DAB1: variants seen among roughly 807,000 people sequenced by gnomAD.
DAB1 encodes DAB adaptor protein 1, also known as disabled homolog 1.
DAB1 carries 15 observed loss-of-function variants against 64.6 expected under a neutral mutation model. That is an observed-to-expected ratio of 0.23 (90% CI 0.16 to 0.36). DAB1 has a LOEUF of 0.36. Among genes scored for constraint, DAB1 ranks in the 10% least tolerant of loss-of-function variants. The pLI is 1.00. For synonymous variants in DAB1, 235 were observed against 251.9 expected, an observed-to-expected ratio of 0.93 and a Z score of 0.64; for missense variants, 596 against 706.7, an observed-to-expected ratio of 0.84 and a Z score of 1.78.
chr1:58,302,649 A>G (rs190630334), intron 4 of DAB1, among the ~76,000 whole-genome samples: 78 of 151,688 alleles, frequency 5.1e-4, no homozygotes, highest in Non-Finnish European at 9.7e-4. Context: ...CTCCAAGAAA[A>G]TTTCTTAACT....
At chr1:58,222,006 T>C (rs1312947479) in intron 4 of DAB1, among the ~76,000 whole-genome samples, 1 of 152,204 alleles carries the variant, frequency 6.6e-6, no homozygotes, top group Non-Finnish European at 1.5e-5. Context: ...GAAGAAGCCA[T>C]ATCTGGAAAC....
intron 3 of DAB1, among the ~76,000 whole-genome samples, chr1:58,489,383 C>T (rs1400720684): frequency 6.6e-6 from 1 of 152,176 alleles, no homozygotes; most frequent in Non-Finnish European, 1.5e-5. Context: ...AAGGTGGCAG[C>T]GAGGCTGGGG....
intron 4 of DAB1, among the ~76,000 whole-genome samples, chr1:58,219,110 A>G (rs1437623112): frequency 2.6e-4 from 39 of 151,898 alleles, no homozygotes; most frequent in Admixed American, 2.6e-3. Flanking sequence ...GAGCGCTAGA[A>G]GAAAGAGAAA....
At chr1:57,330,724 A>G (rs1183651022) in intron 1 of DAB1, among the ~76,000 whole-genome samples, 1 of 152,128 alleles carries the variant, frequency 6.6e-6, no homozygotes, top group Non-Finnish European at 1.5e-5. Context: ...AGTGCCTGGC[A>G]TAAAGGAGGC....
At chr1:58,261,139 G>A (rs761289887) in intron 4 of DAB1, among the ~76,000 whole-genome samples, 4 of 152,040 alleles carry the variant, frequency 2.6e-5, no homozygotes, top group Non-Finnish European at 4.4e-5. Flanking sequence ...CCATATCCCC[G>A]AGTTAAAAAA....
At chr1:57,506,931 A>G (rs1210978135) in intron 7 of DAB1, among the ~76,000 whole-genome samples, 1 of 151,952 alleles carries the variant, frequency 6.6e-6, no homozygotes, top group Non-Finnish European at 1.5e-5. Flanking sequence ...CACTGCTTCT[A>G]CCTTTTTCAG....
intron 3 of DAB1, among the ~76,000 whole-genome samples, chr1:57,144,215 AAAAT>A (rs1362617874): frequency 1.3e-5 from 2 of 152,064 alleles, no homozygotes; most frequent in African/African-American, 4.8e-5. Context: ...TGTAATCAGA[AAAAT>A]AAATAATATA....
intron 5 of DAB1, among the ~76,000 whole-genome samples, chr1:57,998,079 G>T (rs1441393733): frequency 6.6e-6 from 1 of 152,192 alleles, no homozygotes; most frequent in Non-Finnish European, 1.5e-5. Context: ...GCTCTTGTCT[G>T]TTTTGATCTG....
chr1:57,136,317 T>C (rs761136709), intron 4 of DAB1, among the ~76,000 whole-genome samples: 1 of 152,198 alleles, frequency 6.6e-6, no homozygotes, highest in Non-Finnish European at 1.5e-5. Flanking sequence ...ACCAGGATAG[T>C]GTGACACTTT....
At chr1:58,483,111 A>G (rs942336493) in intron 3 of DAB1, among the ~76,000 whole-genome samples, 2 of 152,216 alleles carry the variant, frequency 1.3e-5, no homozygotes, top group African/African-American at 4.8e-5. Flanking sequence ...ATTTCAGAAC[A>G]TGTAAGATTG....
chr1:58,103,643 A>T (rs917005229), intron 5 of DAB1, among the ~76,000 whole-genome samples: 1 of 152,020 alleles, frequency 6.6e-6, no homozygotes, highest in African/African-American at 2.4e-5. Context: ...GACACTGCTG[A>T]CTTTAATTTT....
chr1:57,767,924 C>T (rs759631043), intron 6 of DAB1, among the ~76,000 whole-genome samples: 1 of 151,838 alleles, frequency 6.6e-6, no homozygotes, highest in African/African-American at 2.4e-5. Context: ...CATCTGTAAT[C>T]CCAGCATTTT....
chr1:58,333,382 C>A (rs1217760178), intron 4 of DAB1, among the ~76,000 whole-genome samples: 17 of 152,068 alleles, frequency 1.1e-4, no homozygotes, highest in African/African-American at 2.4e-5. Context: ...CCTCTATTCC[C>A]AGAAAAATGA....
At chr1:57,631,595 A>T (rs748803463) in intron 7 of DAB1, among the ~76,000 whole-genome samples, 8 of 152,234 alleles carry the variant, frequency 5.3e-5, no homozygotes, top group Admixed American at 3.3e-4. Context: ...TGATGTTTAT[A>T]GTATCTATAT....
chr1:58,193,995 C>A (rs1174336381), intron 4 of DAB1, among the ~76,000 whole-genome samples: 1 of 152,070 alleles, frequency 6.6e-6, no homozygotes, highest in East Asian at 1.9e-4. Flanking sequence ...AATAAATGAA[C>A]AAAGGGAAGA....
chr1:57,323,872 G>A (rs1279811413), intron 1 of DAB1, among the ~76,000 whole-genome samples: 6 of 151,998 alleles, frequency 3.9e-5, no homozygotes, highest in Admixed American at 6.6e-5. Flanking sequence ...GAATGTTTCC[G>A]AGAGTGGTGT....
At chr1:58,097,350 C>G (rs141971253) in intron 5 of DAB1, among the ~76,000 whole-genome samples, 1 of 152,320 alleles carries the variant, frequency 6.6e-6, no homozygotes, top group Non-Finnish European at 1.5e-5. Flanking sequence ...AAGACACAAC[C>G]TCTGCCCTCA....
chr1:57,581,470 C>T (rs957284703), intron 7 of DAB1, among the ~76,000 whole-genome samples: 1 of 152,002 alleles, frequency 6.6e-6, no homozygotes, highest in Non-Finnish European at 1.5e-5. Context: ...GTAAATTGTG[C>T]CACCCCTAAT....
chr1:58,158,311 T>C (rs1655328846), intron 4 of DAB1, among the ~76,000 whole-genome samples: 1 of 152,188 alleles, frequency 6.6e-6, no homozygotes, highest in African/African-American at 2.4e-5. Context: ...GGGAAAGGCA[T>C]GAATACTGTG....
Sources: allele counts gnomAD v4.1 joint callset (sites outside exome capture counted in the v4.1 genomes callset), GRCh38; gene constraint gnomAD v4.1.1; transcripts MANE v1.5; gene names NCBI Gene and HGNC (gene_info 2026-07-23, HGNC 2026-07-21).